UBXN11: variants seen among roughly 807,000 people sequenced by gnomAD.
UBXN11 encodes UBX domain protein 11, also known as UBX domain-containing protein 11.
In UBXN11, 47 loss-of-function variants were observed where a neutral mutation model predicts 62.8. That is an observed-to-expected ratio of 0.75 (90% CI 0.59 to 0.95). The LOEUF (loss-of-function observed/expected upper bound fraction) is 0.95. UBXN11 is among the 40% of genes least tolerant of loss of function. The pLI, the probability that UBXN11 is intolerant of heterozygous loss-of-function variation, is 0.00. For missense variants in UBXN11, 638 were observed against 661.7 expected (o/e 0.96, Z 0.39); for synonymous variants, 294 against 267.0 (o/e 1.10, Z -0.99).
In UBXN11 at chr1:26,282,449, T is replaced by C. The variant is rs768959256; in HGVS notation, c.1413A>G (p.Ala471=). The C allele has an allele frequency of 1.9e-6, 3 of 1,603,764 alleles. No homozygotes were observed. Among genetic ancestry groups the C allele is most frequent in the Non-Finnish European group, 2.5e-6 (3 of 1,178,404 alleles). The part of the protein sequence containing the change: ...LVPKAALLLR[A]RRAPKSSLKF... ...TCAGGCTGGACTTCGGGGCTCGGCGTGCCCGCAGCAGCAGTGCTGCTTTGG... is the reference window on the plus strand; with the variant it reads ...TCAGGCTGGACTTCGGGGCTCGGCGCGCCCGCAGCAGCAGTGCTGCTTTGG... Residue 471 remains alanine, a synonymous_variant, in exon 15 of 15, where the codon GCA becomes GCG. Coordinates refer to ENST00000374222, the MANE Select transcript of UBXN11 (RefSeq NM_001389556.1).
exon 1 of UBXN11, chr1:26,318,305 G>A: frequency 1.9e-6 from 1 of 530,976 alleles, no homozygotes; most frequent in Non-Finnish European, 3.4e-6. Context: ...ATCCACAGCT[G>A]GGGAGCACTT....
At chr1:26,307,816 G>A (rs6659387), upstream of UBXN11, among the ~76,000 whole-genome samples, 81,942 of 151,574 alleles carry the variant, frequency 0.54, 23,275 homozygotes, top group Non-Finnish European at 0.65. Context: ...TTGTAGAGAC[G>A]GGGTCTTGCC....
intron 8 of UBXN11, among the ~76,000 whole-genome samples, chr1:26,293,556 T>C (rs2073323114): frequency 6.6e-6 from 1 of 151,390 alleles, no homozygotes; most frequent in Non-Finnish European, 1.5e-5. Flanking sequence ...TAAAACCCCG[T>C]CTTTACTAAA....
Position 26,285,968 on chromosome 1 carries a change from AG to A in UBXN11, c.628del (p.Leu210TrpfsTer3). ...LLASLQDLSE[L>X]VVEGDTQVTP... ...CACTTGGGTGTCACCCTCTACCACCAGCTCACTAAGATCCTGCAGGCTGGCC... is the reference window on the plus strand; with the variant it reads ...CACTTGGGTGTCACCCTCTACCACCACTCACTAAGATCCTGCAGGCTGGCC... On this transcript the variant is annotated frameshift_variant, in exon 9 of 15. Coordinates refer to ENST00000374222, the MANE Select transcript of UBXN11 (RefSeq NM_001389556.1). LOFTEE classifies it high-confidence loss of function. 6.2e-7 allele frequency: 1 copy of A among 1,613,482 alleles called. No homozygotes were observed.
chr1:26,291,201 G>A lies in UBXN11; in HGVS notation c.559+3004C>T, dbSNP rs373417251. Among the ~76,000 whole-genome samples the A allele has an allele frequency of 2.0e-4, 30 of 152,316 alleles. 1 individual carries two copies. Among genetic ancestry groups the A allele is most frequent in the African/African-American group, 5.8e-4 (24 of 41,568 alleles). ...CAGAGGGAGAGCAGAGCAATCAGCC[G>A]AGTGTCAGGCAGGCCAGCGGGGGCC... On this transcript the variant is annotated intron_variant, in intron 8 of 14. Coordinates refer to ENST00000374222, the MANE Select transcript of UBXN11 (RefSeq NM_001389556.1).
At chr1:26,313,924 G>C (rs1183798747) in intron 1 of UBXN11, among the ~76,000 whole-genome samples, 1 of 151,842 alleles carries the variant, frequency 6.6e-6, no homozygotes. Context: ...GGGACTACAG[G>C]TGCCCGCCAC....
exon 1 of UBXN11, chr1:26,318,220 G>A (rs868576231): frequency 1.0e-5 from 7 of 676,608 alleles, no homozygotes; most frequent in Middle Eastern, 7.8e-4. Flanking sequence ...GGGACACAGC[G>A]GGCCTGGCCG....
intron 12 of UBXN11, among the ~76,000 whole-genome samples, 158 bp downstream of exon 12, chr1:26,283,984 G>C (rs1186265957): frequency 6.6e-6 from 1 of 152,206 alleles, no homozygotes; most frequent in Non-Finnish European, 1.5e-5. Context: ...GCCCTCACCA[G>C]CCTCACAGTT....
rs369607205 is a variant in UBXN11, at chr1:26,285,907, G to T, written c.690C>A (p.Leu230=). ...GGTAGAGCTTCAGCGGGATGGGCTC[G>T]AGGGTACGCAGCCGTGCCCCGCCGG... ...PVPGGARLRT[L]EPIPLKLYRN... Residue 230 remains leucine, a synonymous_variant, in exon 9 of 15, where the codon CTC becomes CTA. Transcript: ENST00000374222. 1.2e-6 allele frequency: 2 copies of T among 1,613,688 alleles called. No individual in the cohort carries two copies. The highest frequency in any genetic ancestry group is 1.7e-6 in the Non-Finnish European group (2 of 1,179,660).
intron 1 of UBXN11, among the ~76,000 whole-genome samples, chr1:26,311,662 G>C (rs534884251): frequency 3.4e-5 from 5 of 147,776 alleles, no homozygotes; most frequent in South Asian, 4.3e-4. Context: ...AGGCTGGTCT[G>C]AAACTCCTGA....
At position 26,297,979 on chromosome 1, in the gene UBXN11, CA is replaced by C. The variant is rs764637305; in HGVS notation, c.282del (p.Asp95MetfsTer10). ...WDLEQQVKAQ[T>X]DEILSKDQKI... The stretch of plus-strand genomic sequence containing the variant: ...AGCCCCACCTTGGACAGTATCTCAT[CA>C]GTCTGGGCCTTCACCTGCTGCTCCA... On this transcript the variant is annotated frameshift_variant, in exon 5 of 15. Transcript: ENST00000374222. LOFTEE classifies it high-confidence loss of function. 1 of 1,613,890 alleles carries C rather than the reference CA, an allele frequency of 6.2e-7. No homozygotes were observed. Among genetic ancestry groups the C allele is most frequent in the Non-Finnish European group, 8.5e-7 (1 of 1,179,904 alleles).
chr1:26,294,368 G>A, intron 7 of UBXN11, 37 bp from the exon 8 acceptor site: 1 of 1,606,586 alleles, frequency 6.2e-7, no homozygotes, highest in Admixed American at 1.7e-5. Flanking sequence ...GGCACCGTCA[G>A]CTCAGCCCCT....
chr1:26,308,275 A>AAG (rs2073703211), upstream of UBXN11, among the ~76,000 whole-genome samples: 1 of 141,236 alleles, frequency 7.1e-6, no homozygotes. Flanking sequence ...CAAAAAAAAA[A>AAG]AAAAGAAAAG....
At chr1:26,286,145 T>C in intron 8 of UBXN11, 108 bp from the exon 9 acceptor site, 1 of 979,764 alleles carries the variant, frequency 1.0e-6, no homozygotes, top group Admixed American at 3.1e-5. Flanking sequence ...TAATGTCTCC[T>C]TAACTGACTG....
At chr1:26,301,746 G>A in intron 2 of UBXN11, 24 bp from the exon 3 acceptor site, 1 of 1,613,838 alleles carries the variant, frequency 6.2e-7, no homozygotes, top group African/African-American at 1.3e-5. Context: ...CAGGAAGAAG[G>A]AAGAAATATA....
chr1:26,299,075 G>T (rs1217348823), intron 4 of UBXN11, among the ~76,000 whole-genome samples: 1 of 152,182 alleles, frequency 6.6e-6, no homozygotes, highest in Non-Finnish European at 1.5e-5. Context: ...GTTCTTGTTG[G>T]CTGAGGAAGG....
At chr1:26,300,818 C>T (rs1233658019) in intron 4 of UBXN11, 108 bp downstream of exon 4, 56 of 1,555,600 alleles carry the variant, frequency 3.6e-5, no homozygotes, top group Admixed American at 1.9e-4. Context: ...AAGCAGCTGC[C>T]TCAGACCAAA....
chr1:26,296,227 C>T (rs2073388968), intron 7 of UBXN11, among the ~76,000 whole-genome samples: 1 of 152,208 alleles, frequency 6.6e-6, no homozygotes, highest in South Asian at 2.1e-4. Context: ...AGAAAGGTGA[C>T]TGGGGTCACT....
chr1:26,301,232 G>A (rs1241885835), intron 3 of UBXN11, among the ~76,000 whole-genome samples: 1 of 152,226 alleles, frequency 6.6e-6, no homozygotes, highest in African/African-American at 2.4e-5. Context: ...GACTGGCATG[G>A]CCAATGCCAA....
Sources: allele counts gnomAD v4.1 joint callset (sites outside exome capture counted in the v4.1 genomes callset), GRCh38; gene constraint gnomAD v4.1.1; transcripts MANE v1.5; gene names NCBI Gene and HGNC (gene_info 2026-07-23, HGNC 2026-07-21).